The following KCNQ5 variants were observed in gnomAD, a reference collection of about 807,000 sequenced individuals.
KCNQ5 encodes the protein potassium voltage-gated channel subfamily Q member 5.
Under a neutral mutation model 98.2 loss-of-function variants are expected in KCNQ5, and 30 were observed. The observed-to-expected ratio is 0.31, with a 90% confidence interval of 0.23 to 0.41. The LOEUF (loss-of-function observed/expected upper bound fraction) is 0.41. KCNQ5 is among the 10% of genes least tolerant of loss of function. The probability of loss-of-function intolerance (pLI) is 1.00; values close to 1 mark genes in which losing one functional copy is unlikely to be tolerated. For synonymous variants in KCNQ5, 458 were observed against 449.4 expected (o/e 1.02, Z -0.24); for missense variants, 835 against 1,182.5 (o/e 0.71, Z 4.31).
chr6:72,919,733 C>A (rs1160709007), intron 1 of KCNQ5, among the ~76,000 whole-genome samples: 1 of 152,142 alleles, frequency 6.6e-6, no homozygotes, highest in East Asian at 1.9e-4. Flanking sequence ...GCAAACTGTT[C>A]TGGGTGGGCT....
At chr6:72,986,706 A>C in intron 1 of KCNQ5, 1 of 1,280,672 alleles carries the variant, frequency 7.8e-7, no homozygotes, top group South Asian at 1.3e-5. Flanking sequence ...AAGAAAAAGA[A>C]GAAGTCACCT....
chr6:73,155,266 G>C (rs1298377168), intron 10 of KCNQ5, among the ~76,000 whole-genome samples: 2 of 152,190 alleles, frequency 1.3e-5, no homozygotes, highest in African/African-American at 2.4e-5. Context: ...TTACATGTAG[G>C]CTGAAATTAA....
At chr6:72,800,400 A>G (rs1455770574) in intron 1 of KCNQ5, among the ~76,000 whole-genome samples, 1 of 151,858 alleles carries the variant, frequency 6.6e-6, no homozygotes, top group African/African-American at 2.4e-5. Context: ...TAGATTTTCT[A>G]GTTTATTTGC....
rs1052428824 is a variant in KCNQ5 at position 72,984,972 on chromosome 6, C to A, written c.399-18936C>A. Among the ~76,000 whole-genome samples, 4 of 150,532 alleles carry A rather than the reference C, an allele frequency of 2.7e-5. No individual in the cohort carries two copies. In the East Asian group the frequency reaches 5.8e-4, roughly 22 times the overall value. On this transcript the variant is annotated intron_variant, in intron 1 of 13. Transcript: ENST00000370398. ...CTGTAACCCCAGCACTTTGTGAGGG[C>A]AATGCAGGAAGATCACATGAAATCA...
intron 5 of KCNQ5, among the ~76,000 whole-genome samples, chr6:73,101,847 C>G (rs1031172376): frequency 2.4e-4 from 36 of 152,076 alleles, no homozygotes; most frequent in Admixed American, 6.5e-5. Context: ...AAATTCAGAG[C>G]AATTCCTAAC....
At chr6:72,667,253 G>A (rs993645610) in intron 1 of KCNQ5, among the ~76,000 whole-genome samples, 1 of 152,030 alleles carries the variant, frequency 6.6e-6, no homozygotes, top group Non-Finnish European at 1.5e-5. Flanking sequence ...TTAAATTAAG[G>A]CAGCCACCAA....
chr6:72,957,004 T>C (rs1196664271), intron 1 of KCNQ5, among the ~76,000 whole-genome samples: 1 of 152,078 alleles, frequency 6.6e-6, no homozygotes, highest in Non-Finnish European at 1.5e-5. Flanking sequence ...GCCCGTTGCA[T>C]TACAGTGCCC....
chr6:72,956,855 T>C lies in KCNQ5; in HGVS notation c.399-47053T>C, dbSNP rs184532316. On this transcript the variant is annotated intron_variant, in intron 1 of 13. Transcript: ENST00000370398. Reference sequence around the variant, plus strand: ...CCCCCCTCCCACCAAGATGGGCTTCTGACATCTCAGAAGGACCACTGGTTT... The same window carrying C: ...CCCCCCTCCCACCAAGATGGGCTTCCGACATCTCAGAAGGACCACTGGTTT... Among the ~76,000 whole-genome samples the C allele has an allele frequency of 1.9e-3, 288 of 152,284 alleles. 1 individual carries two copies. Among genetic ancestry groups the C allele is most frequent in the African/African-American group, 6.5e-3 (271 of 41,564 alleles).
intron 1 of KCNQ5, among the ~76,000 whole-genome samples, chr6:72,942,256 G>C (rs1002067641): frequency 2.6e-5 from 4 of 152,092 alleles, no homozygotes; most frequent in African/African-American, 9.7e-5. Flanking sequence ...TCCATTTACA[G>C]AATCACACAT....
At chr6:72,683,934 T>A (rs1300298730) in intron 1 of KCNQ5, among the ~76,000 whole-genome samples, 1 of 152,210 alleles carries the variant, frequency 6.6e-6, no homozygotes, top group Non-Finnish European at 1.5e-5. Context: ...TCATGGAAAG[T>A]CTTAACCTGT....
intron 2 of KCNQ5, among the ~76,000 whole-genome samples, chr6:73,040,198 C>T (rs919199792): frequency 1.3e-5 from 2 of 152,190 alleles, no homozygotes; most frequent in African/African-American, 4.8e-5. Context: ...ATATTGGTGT[C>T]ATCTGTTTCC....
Position 73,169,776 on chromosome 6 carries a change from A to G in KCNQ5, c.1499A>G (p.Tyr500Cys). The G allele has an allele frequency of 6.2e-7, 1 of 1,613,850 alleles. No homozygotes were observed. The highest frequency in any genetic ancestry group is 1.1e-5 in the South Asian group (1 of 91,080). ...ACAGCCCTTGGCACTGATGATGTAT[A>G]TGATGAAAAAGGATGCCAGTGTGAT... The part of the protein sequence containing the change: ...ADTALGTDDV[Y>C]DEKGCQCDVS... Residue 500 changes from tyrosine (Y) to cysteine (C), a missense_variant, in exon 11 of 14, where the codon TAT (tyrosine) becomes TGT (cysteine). Coordinates refer to ENST00000370398, the MANE Select transcript of KCNQ5 (RefSeq NM_019842.4).
intron 1 of KCNQ5, among the ~76,000 whole-genome samples, chr6:72,833,957 T>C (rs1776396577): frequency 6.6e-6 from 1 of 152,130 alleles, no homozygotes; most frequent in Non-Finnish European, 1.5e-5. Flanking sequence ...CATAAAGTTA[T>C]ACTACTTGTG....
chr6:72,932,872 T>C (rs1391084692), intron 1 of KCNQ5, among the ~76,000 whole-genome samples: 1 of 152,220 alleles, frequency 6.6e-6, no homozygotes, highest in East Asian at 1.9e-4. Context: ...CTTGTTAGCA[T>C]TGTCAGCTTT....
intron 1 of KCNQ5, among the ~76,000 whole-genome samples, chr6:72,746,308 T>A (rs1009019835): frequency 2.0e-5 from 3 of 152,188 alleles, no homozygotes; most frequent in Non-Finnish European, 4.4e-5. Flanking sequence ...ATTGCCACCT[T>A]ATTTAAAAGT....
chr6:72,969,386 T>G (rs1767764804), intron 1 of KCNQ5, among the ~76,000 whole-genome samples: 1 of 152,218 alleles, frequency 6.6e-6, no homozygotes, highest in African/African-American at 2.4e-5. Context: ...TTAGACCATG[T>G]AAACTTGCTG....
At chr6:72,830,655 C>T (rs533342686) in intron 1 of KCNQ5, among the ~76,000 whole-genome samples, 28 of 152,242 alleles carry the variant, frequency 1.8e-4, no homozygotes, top group African/African-American at 5.8e-4. Context: ...TCGGCAATAC[C>T]GTTCAGGACA....
intron 9 of KCNQ5, among the ~76,000 whole-genome samples, chr6:73,125,864 T>G (rs1052822300): frequency 3.0e-5 from 3 of 98,506 alleles, no homozygotes; most frequent in Non-Finnish European, 6.5e-5. Context: ...GGGCTTTGGA[T>G]ATTCCTTGGA....
chr6:72,623,314 A>G (rs147543086), intron 1 of KCNQ5, among the ~76,000 whole-genome samples: 34 of 152,108 alleles, frequency 2.2e-4, no homozygotes, highest in African/African-American at 8.0e-4. Flanking sequence ...GAGGTGCGAT[A>G]GCAGAAGCGC....
Sources: gnomAD v4.1 joint callset for allele counts (sites outside exome capture counted in the v4.1 genomes callset) on GRCh38, gnomAD v4.1.1 for gene constraint, MANE v1.5 for transcripts, NCBI Gene and HGNC (gene_info 2026-07-23, HGNC 2026-07-21) for gene names.